TANC1: variants seen among roughly 807,000 people sequenced by gnomAD.
TANC1 encodes the protein protein TANC1.
A neutral mutation model predicts 149.7 loss-of-function variants in TANC1; 77 were observed. The ratio of observed to expected loss-of-function variants is 0.51; its 90% CI spans 0.43 to 0.62. TANC1 has a LOEUF of 0.62. Among genes scored for constraint, TANC1 ranks in the 20% least tolerant of loss-of-function variants. The pLI is 0.00. For synonymous variants in TANC1, 854 were observed against 925.0 expected (o/e 0.92, Z 1.39); for missense variants, 1,985 against 2,321.8 (o/e 0.85, Z 2.98).
At position 159,185,859 on chromosome 2, in the gene TANC1, T is replaced by C. The variant is rs774508563; in HGVS notation, c.2579T>C (p.Met860Thr). ...GGCAAGTTGAACCGCCAGCAGACCA[T>C]GGAGCTTGGCCACCACATCCTGAAG... The part of the protein sequence containing the change: ...QEGKLNRQQT[M>T]ELGHHILKAH... Residue 860 changes from methionine to threonine, a missense_variant, in exon 15 of 27, where the codon ATG (methionine) becomes ACG (threonine). Around this residue, in one of 3 missense-constraint regions of TANC1, gnomAD observed 508 missense variants for 714.2 expected, o/e 0.71. Coordinates refer to ENST00000263635, the MANE Select transcript of TANC1 (RefSeq NM_033394.3). 11 of 1,614,068 alleles carry C rather than the reference T, an allele frequency of 6.8e-6. No homozygotes were observed. In the Admixed American group the frequency reaches 1.3e-4, roughly 20 times the overall value.
At chr2:159,068,581 A>G (rs1004151151) in intron 3 of TANC1, among the ~76,000 whole-genome samples, 18 of 152,230 alleles carry the variant, frequency 1.2e-4, no homozygotes, top group African/African-American at 4.1e-4. Flanking sequence ...TGGAAACCAA[A>G]TATTTTTCAG....
At chr2:159,146,727 G>T (rs996562582) in intron 5 of TANC1, among the ~76,000 whole-genome samples, 4 of 152,144 alleles carry the variant, frequency 2.6e-5, no homozygotes, top group Admixed American at 1.3e-4. Flanking sequence ...TTTTAATAGA[G>T]ATGGGGTTTC....
chr2:159,109,210 C>T (rs927816408), intron 4 of TANC1, among the ~76,000 whole-genome samples: 1 of 152,180 alleles, frequency 6.6e-6, no homozygotes, highest in Admixed American at 6.5e-5. Context: ...CTGCCCCAGT[C>T]ATGAGTGTGT....
intron 4 of TANC1, among the ~76,000 whole-genome samples, chr2:159,099,581 G>C (rs940294048): frequency 6.6e-6 from 1 of 151,224 alleles, no homozygotes; most frequent in Non-Finnish European, 1.5e-5. Flanking sequence ...TCCTAGGTCT[G>C]TGTGTGTGTG....
At chr2:159,112,555 C>CTTTTT (rs34643604) in intron 4 of TANC1, among the ~76,000 whole-genome samples, 1 of 130,048 alleles carries the variant, frequency 7.7e-6, no homozygotes, top group Non-Finnish European at 1.6e-5. Flanking sequence ...TGCACCCAGC[C>CTTTTT]TTTTTTTTTT....
intron 14 of TANC1, among the ~76,000 whole-genome samples, chr2:159,180,676 TC>T (rs1238880036): frequency 2.0e-5 from 3 of 152,222 alleles, no homozygotes; most frequent in African/African-American, 7.2e-5. Flanking sequence ...GTTGCCATTT[TC>T]CCAAGACACC....
chr2:159,076,318 G>C (rs2043673298), intron 3 of TANC1, among the ~76,000 whole-genome samples: 2 of 152,162 alleles, frequency 1.3e-5, no homozygotes, highest in African/African-American at 2.4e-5. Context: ...TCTCTGCGTT[G>C]TTAACATTTC....
At chr2:159,043,144 A>G (rs902499090) in intron 2 of TANC1, among the ~76,000 whole-genome samples, 2 of 152,194 alleles carry the variant, frequency 1.3e-5, no homozygotes, top group African/African-American at 4.8e-5. Flanking sequence ...TGGGCTTGAC[A>G]GTATGTCCAT....
intron 4 of TANC1, among the ~76,000 whole-genome samples, chr2:159,108,105 A>T (rs1008168252): frequency 1.3e-5 from 2 of 152,226 alleles, no homozygotes; most frequent in African/African-American, 4.8e-5. Context: ...GAAAATACTA[A>T]TGGACGCATA....
chr2:159,209,306 G>A (rs995517430), intron 19 of TANC1, among the ~76,000 whole-genome samples: 3 of 152,180 alleles, frequency 2.0e-5, no homozygotes, highest in Admixed American at 6.5e-5. Context: ...TAACTGCCTT[G>A]TCTTTGTAGA....
intron 19 of TANC1, among the ~76,000 whole-genome samples, chr2:159,204,232 C>G (rs541891056): frequency 1.3e-5 from 2 of 152,176 alleles, no homozygotes; most frequent in Non-Finnish European, 2.9e-5. Context: ...GGGAGATGTT[C>G]ACTTGCAGAA....
In TANC1 at chr2:159,225,704, G is replaced by C. The variant is rs762168184; in HGVS notation, c.3828G>C (p.Ala1276=). 6.2e-7 allele frequency: 1 copy of C among 1,614,038 alleles called. No individual in the cohort carries two copies. The highest frequency in any genetic ancestry group is 8.5e-7 in the Non-Finnish European group (1 of 1,179,888). The part of the protein sequence containing the change: ...KGAKLGNAAW[A]MATSKPDILI... ...GTTTTGCAGGAAATGCTGCTTGGGC[G>C]ATGGCCACTTCCAAACCTGATATCT... The change falls in exon 24 of 27, where the codon GCG becomes GCC. Residue 1276 remains alanine (A), a synonymous_variant. Coordinates refer to ENST00000263635, the MANE Select transcript of TANC1 (RefSeq NM_033394.3).
At chr2:159,032,614 C>G (rs983633691) in intron 2 of TANC1, among the ~76,000 whole-genome samples, 1 of 152,122 alleles carries the variant, frequency 6.6e-6, no homozygotes, top group African/African-American at 2.4e-5. Flanking sequence ...CTGTCAGTCG[C>G]AGCTTCTCAG....
chr2:159,085,805 A>C (rs1470814783), intron 3 of TANC1, among the ~76,000 whole-genome samples: 1 of 152,154 alleles, frequency 6.6e-6, no homozygotes, highest in East Asian at 1.9e-4. Context: ...AACACCTCTC[A>C]CTAGGCCCCA....
intron 3 of TANC1, among the ~76,000 whole-genome samples, chr2:159,080,679 T>G (rs999252172): frequency 3.3e-5 from 5 of 152,178 alleles, no homozygotes; most frequent in African/African-American, 1.2e-4. Flanking sequence ...GCATCACCCC[T>G]TTTTCCAGAG....
At chr2:159,147,146 T>G (rs1488022001) in intron 5 of TANC1, among the ~76,000 whole-genome samples, 1 of 152,090 alleles carries the variant, frequency 6.6e-6, no homozygotes, top group Non-Finnish European at 1.5e-5. Context: ...CTGCAGCTGC[T>G]CTCTCTGCCT....
chr2:159,226,552 GTGT>G (rs1421085387), intron 24 of TANC1: 9 of 152,192 alleles, frequency 5.9e-5, no homozygotes, highest in African/African-American at 1.2e-4. Flanking sequence ...GAATTTGAAA[GTGT>G]TGTTAGAGAT....
chr2:159,123,079 G>A (rs78811679), intron 4 of TANC1, among the ~76,000 whole-genome samples: 12,792 of 152,098 alleles, frequency 0.084, 730 homozygotes, highest in Admixed American at 0.17. Flanking sequence ...AGACAATTGC[G>A]TTCTGCATCT....
At chr2:159,209,264 T>C (rs1430076055) in intron 19 of TANC1, among the ~76,000 whole-genome samples, 1 of 152,222 alleles carries the variant, frequency 6.6e-6, no homozygotes, top group Non-Finnish European at 1.5e-5. Flanking sequence ...ACCTTTCATT[T>C]TATCCTTTAA....
Sources: allele counts gnomAD v4.1 joint callset (sites outside exome capture counted in the v4.1 genomes callset), GRCh38; gene constraint gnomAD v4.1.1; regional missense constraint gnomAD v4.1.1; transcripts MANE v1.5; gene names NCBI Gene and HGNC (gene_info 2026-07-23, HGNC 2026-07-21).